Variants in ROS1 observed in about 807,000 individuals in gnomAD.
The protein encoded by ROS1 is proto-oncogene tyrosine-protein kinase ROS.
ROS1 carries 263 observed loss-of-function variants against 273.5 expected under a neutral mutation model. The ratio of observed to expected loss-of-function variants is 0.96; its 90% CI spans 0.87 to 1.06. The LOEUF is 1.06. Ranked by LOEUF, ROS1 falls within the 50% of genes least tolerant of loss-of-function variation. The pLI, the probability that ROS1 is intolerant of heterozygous loss-of-function variation, is 0.00. For missense variants in ROS1, 2,833 were observed against 2,751.1 expected (o/e 1.03, Z -0.67); for synonymous variants, 1,008 against 954.1 (o/e 1.06, Z -1.04).
At chr6:117,405,269 A>G (rs1041553102) in intron 5 of ROS1, among the ~76,000 whole-genome samples, 1 of 152,202 alleles carries the variant, frequency 6.6e-6, no homozygotes, top group African/African-American at 2.4e-5. Context: ...CCAACACCAG[A>G]CACGGACCAA....
intron 39 of ROS1, among the ~76,000 whole-genome samples, chr6:117,312,119 C>T (rs1048473105): frequency 2.2e-4 from 33 of 152,196 alleles, no homozygotes; most frequent in African/African-American, 7.7e-4. Flanking sequence ...TCTGTGCTTC[C>T]GTTACACTGG....
chr6:117,324,219 A>C, intron 35 of ROS1, 113 bp downstream of exon 35: 1 of 640,318 alleles, frequency 1.6e-6, no homozygotes, highest in Non-Finnish European at 2.8e-6. Flanking sequence ...AAATTTTATT[A>C]ACTTAATCAG....
intron 35 of ROS1, among the ~76,000 whole-genome samples, chr6:117,322,385 C>T (rs1003587822): frequency 3.9e-5 from 6 of 152,092 alleles, no homozygotes; most frequent in Non-Finnish European, 2.9e-5. Context: ...AGACTAATTG[C>T]GCCTCTCTGT....
intron 29 of ROS1, 96 bp downstream of exon 29, chr6:117,342,304 A>T: frequency 1.7e-6 from 2 of 1,208,554 alleles, no homozygotes; most frequent in Non-Finnish European, 2.3e-6. Flanking sequence ...TACTAAAATT[A>T]CTTCGCATTC....
rs905926285 is a variant in ROS1, at chr6:117,346,254, A to AT, written c.4304-1993dup. On this transcript the variant is annotated intron_variant, in intron 27 of 43. Coordinates refer to ENST00000368507, the MANE Select transcript of ROS1 (RefSeq NM_001378902.1). Reference sequence around the variant, plus strand: ...ACAGAAAGACAGGTTTTTCCCTTACATTTTTTTTTTTATCCCATACATTTT... The same window carrying AT: ...ACAGAAAGACAGGTTTTTCCCTTACATTTTTTTTTTTTATCCCATACATTTT... 1.5e-3 allele frequency among the ~76,000 whole-genome samples: 226 copies of AT among 146,608 alleles called. 2 individuals carry two copies. The highest frequency in any genetic ancestry group is 3.5e-3 in the African/African-American group (140 of 40,206).
chr6:117,374,974 A>G (rs1781189736), intron 18 of ROS1, among the ~76,000 whole-genome samples: 1 of 152,266 alleles, frequency 6.6e-6, no homozygotes, highest in Admixed American at 6.5e-5. Flanking sequence ...AAAAGAAGTC[A>G]TTATACAAAA....
At chr6:117,388,488 T>C (rs917521834) in intron 13 of ROS1, among the ~76,000 whole-genome samples, 6 of 152,248 alleles carry the variant, frequency 3.9e-5, no homozygotes, top group African/African-American at 1.4e-4. Flanking sequence ...CAATGTTTTC[T>C]AAATACTTAC....
chr6:117,421,555 T>C (rs1426836826), intron 1 of ROS1, among the ~76,000 whole-genome samples: 2 of 152,198 alleles, frequency 1.3e-5, no homozygotes, highest in African/African-American at 4.8e-5. Flanking sequence ...CATAGAATAA[T>C]GGCCTCCAGC....
chr6:117,359,869 T>C lies in ROS1; in HGVS notation c.3573A>G (p.Gly1191=), dbSNP rs1253104969. 6.2e-7 allele frequency: 1 copy of C among 1,613,924 alleles called. No individual in the cohort carries two copies. The highest frequency in any genetic ancestry group is 8.5e-7 in the Non-Finnish European group (1 of 1,179,916). The change falls in exon 24 of 44, where the codon GGA becomes GGG. Residue 1191 remains glycine, a synonymous_variant. Transcript: ENST00000368507. The stretch of plus-strand genomic sequence containing the variant: ...AGAGTGAGTCCCCTTCAGCATAATA[T>C]CCCATCTCATTATCAGCTGTGTAGC... The part of the protein sequence containing the change: ...AVCYTADNEM[G]YYAEGDSLFL...
chr6:117,321,080 A>G, intron 36 of ROS1, 179 bp downstream of exon 36: 1 of 580,020 alleles, frequency 1.7e-6, no homozygotes, highest in Non-Finnish European at 2.8e-6. Context: ...TTAAAACCAC[A>G]TAATTTTCCA....
chr6:117,341,568 C>A lies in ROS1; in HGVS notation c.4716G>T (p.Trp1572Cys), dbSNP rs770865174. 2.7e-5 allele frequency: 44 copies of A among 1,613,548 alleles called. 1 individual carries two copies. Among genetic ancestry groups the A allele is most frequent in the Middle Eastern group, 3.3e-4 (2 of 6,080 alleles). ...GTCCATTTGGCTTGTGAGATTCTCT[C>A]CAAGATATAATGAGGCTGGTGTCTG... The part of the protein sequence containing the change: ...VRSDTSLIIS[W>C]RESHKPNGPK... Residue 1572 changes from tryptophan to cysteine, a missense_variant, in exon 30 of 44, where the codon TGG (tryptophan) becomes TGT (cysteine). By Grantham distance (215) the Trp-to-Cys change is radical (BLOSUM62 -2). Transcript: ENST00000368507.
chr6:117,385,446 T>A (rs138675701), intron 16 of ROS1, among the ~76,000 whole-genome samples: 6 of 151,756 alleles, frequency 4.0e-5, no homozygotes, highest in Admixed American at 3.3e-4. Flanking sequence ...TTCCAGCTAC[T>A]CGGGAGGCAG....
intron 27 of ROS1, among the ~76,000 whole-genome samples, chr6:117,349,228 T>C (rs1778611353): frequency 1.3e-5 from 2 of 151,966 alleles, no homozygotes; most frequent in African/African-American, 4.8e-5. Flanking sequence ...GTTCTATCAG[T>C]TGTTGCCTCA....
chr6:117,379,657 A>T (rs1056209895), intron 17 of ROS1, among the ~76,000 whole-genome samples: 1 of 152,142 alleles, frequency 6.6e-6, no homozygotes, highest in Non-Finnish European at 1.5e-5. Context: ...GGAGTTTTTT[A>T]AAAATCTCAA....
chr6:117,337,677 C>T (rs1055480387), intron 31 of ROS1, among the ~76,000 whole-genome samples: 7 of 152,036 alleles, frequency 4.6e-5, no homozygotes, highest in African/African-American at 1.4e-4. Flanking sequence ...GCTAAGAATG[C>T]AAATCCATAG....
chr6:117,337,080 C>T (rs1335491260), intron 32 of ROS1, 92 bp downstream of exon 32: 2 of 1,017,506 alleles, frequency 2.0e-6, no homozygotes, highest in African/African-American at 1.7e-5. Flanking sequence ...TTTTAAAGAA[C>T]AATTTCATAT....
chr6:117,328,818 G>A (rs761026692), intron 33 of ROS1: 1 of 613,418 alleles, frequency 1.6e-6, no homozygotes, highest in Non-Finnish European at 3.2e-6. Flanking sequence ...CAGTCCCTGG[G>A]AACACATTGC....
At chr6:117,309,533 G>A (rs12664183) in intron 41 of ROS1, among the ~76,000 whole-genome samples, 38,705 of 151,978 alleles carry the variant, frequency 0.25, 5,396 homozygotes, top group Middle Eastern at 0.37. Flanking sequence ...TATCTCATTC[G>A]TAATTTTGCC....
rs578190320 is a variant in ROS1, at chr6:117,375,302, G to A, written c.2582+3757C>T. ...TGGGGATTTGGAGTAAAGGGTGGGAGGAGGGTGAGGGATAAAAGACTACAC... is the reference window on the plus strand; with the variant it reads ...TGGGGATTTGGAGTAAAGGGTGGGAAGAGGGTGAGGGATAAAAGACTACAC... On this transcript the variant is annotated intron_variant, in intron 18 of 43. Coordinates refer to ENST00000368507, the MANE Select transcript of ROS1 (RefSeq NM_001378902.1). 2.0e-5 allele frequency among the ~76,000 whole-genome samples: 3 copies of A among 152,284 alleles called. No individual in the cohort carries two copies. In the South Asian group the frequency reaches 6.2e-4, roughly 32 times the overall value.
Sources: allele counts gnomAD v4.1 joint callset (sites outside exome capture counted in the v4.1 genomes callset), GRCh38; gene constraint gnomAD v4.1.1; transcripts MANE v1.5; gene names NCBI Gene and HGNC (gene_info 2026-07-23, HGNC 2026-07-21).